Variants in MRTFA observed in about 807,000 individuals in gnomAD.
MRTFA encodes myocardin related transcription factor A.
In MRTFA, 20 loss-of-function variants were observed where a neutral mutation model predicts 83.5. The ratio of observed to expected loss-of-function variants is 0.24; its 90% CI spans 0.17 to 0.35. The LOEUF is 0.35. Ranked by LOEUF, MRTFA falls within the 10% of genes least tolerant of loss-of-function variation. MRTFA has a pLI of 1.00. For synonymous variants in MRTFA, 659 were observed against 541.2 expected, an observed-to-expected ratio of 1.22 and a Z score of -3.02; for missense variants, 1,200 against 1,224.7, an observed-to-expected ratio of 0.98 and a Z score of 0.30.
At chr22:40,603,774 CTTTTT>C (rs57320222) in intron 1 of MRTFA, among the ~76,000 whole-genome samples, 21 of 142,176 alleles carry the variant, frequency 1.5e-4, no homozygotes, top group Admixed American at 1.1e-3. Context: ...TTTTTTTTTA[CTTTTT>C]TTTTTTTTAA....
At chr22:40,610,514 T>A (rs1283636399) in intron 1 of MRTFA, among the ~76,000 whole-genome samples, 1 of 152,188 alleles carries the variant, frequency 6.6e-6, no homozygotes, top group East Asian at 1.9e-4. Context: ...TGAGCTATTA[T>A]CAGACAGAAG....
rs190012818 is a variant in MRTFA, at chr22:40,566,777, G to C, written c.-21-14410C>G. On this transcript the variant is annotated intron_variant, in intron 2 of 14. Transcript: ENST00000355630. ...GAACCCGCGAGGCGGAGGTTGCAGT[G>C]AGCCGACATCACACCACTGCACCCT... 3.0e-3 allele frequency among the ~76,000 whole-genome samples: 451 copies of C among 152,314 alleles called. 4 individuals carry two copies. The highest frequency in any genetic ancestry group is 0.01 in the African/African-American group (432 of 41,590).
intron 4 of MRTFA, among the ~76,000 whole-genome samples, chr22:40,453,517 A>G (rs1461087720): frequency 6.6e-6 from 1 of 152,170 alleles, no homozygotes. Flanking sequence ...AGCAGTTGAG[A>G]GATGATCACA....
chr22:40,413,935 TGGTGAGGA>T (rs1372280761), intron 14 of MRTFA, among the ~76,000 whole-genome samples: 2 of 152,180 alleles, frequency 1.3e-5, no homozygotes, highest in Admixed American at 1.3e-4. Flanking sequence ...TAAGAAGTGC[TGGTGAGGA>T]GGTGAAGAAA....
At chr22:40,606,156 T>G (rs764484889) in intron 1 of MRTFA, among the ~76,000 whole-genome samples, 3 of 151,990 alleles carry the variant, frequency 2.0e-5, no homozygotes, top group Non-Finnish European at 2.9e-5. Context: ...TAAAGCAAAC[T>G]CATTTAATTC....
chr22:40,482,165 A>G (rs1347357696), intron 3 of MRTFA, among the ~76,000 whole-genome samples: 1 of 152,134 alleles, frequency 6.6e-6, no homozygotes, highest in Admixed American at 6.5e-5. Flanking sequence ...CTCAATGGCT[A>G]TTTGAGATAT....
chr22:40,520,412 CA>C (rs751633606), intron 3 of MRTFA, among the ~76,000 whole-genome samples: 23 of 151,578 alleles, frequency 1.5e-4, no homozygotes, highest in Non-Finnish European at 2.5e-4. Context: ...TAAGGTTCAT[CA>C]TTTTTTTTTT....
At chr22:40,614,519 G>A (rs989162462) in intron 1 of MRTFA, among the ~76,000 whole-genome samples, 15 of 151,682 alleles carry the variant, frequency 9.9e-5, no homozygotes, top group Admixed American at 5.9e-4. Context: ...ACGGAGTTTC[G>A]CTCTCGTTAC....
In MRTFA at chr22:40,497,360, A is replaced by G. The variant is rs6001940; in HGVS notation, c.242-34074T>C. Among the ~76,000 whole-genome samples the G allele has an allele frequency of 7.5e-3, 1,147 of 152,358 alleles. 25 individuals are homozygous for G. The highest frequency in any genetic ancestry group is 0.075 in the Middle Eastern group (22 of 294). On this transcript the variant is annotated intron_variant, in intron 3 of 14. Transcript: ENST00000355630. ...AACAATTACTTGAGGAATGGAGAAT[A>G]GAGAGAAAGAGAAATAGAGAAAGGT...
chr22:40,629,997 G>A (rs1357654899), intron 1 of MRTFA, among the ~76,000 whole-genome samples: 1 of 151,840 alleles, frequency 6.6e-6, no homozygotes, highest in Non-Finnish European at 1.5e-5. Flanking sequence ...GAGGGACAAG[G>A]TTAATCTGGA....
At chr22:40,604,477 G>A (rs549950490) in intron 1 of MRTFA, among the ~76,000 whole-genome samples, 12 of 151,858 alleles carry the variant, frequency 7.9e-5, no homozygotes, top group African/African-American at 1.7e-4. Flanking sequence ...GGCCAAGCGC[G>A]GTGGCTCATG....
At chr22:40,504,180 T>C (rs2147230111) in intron 3 of MRTFA, among the ~76,000 whole-genome samples, 1 of 152,274 alleles carries the variant, frequency 6.6e-6, no homozygotes, top group South Asian at 2.1e-4. Context: ...GCTTTGTGGC[T>C]GAAAAAAAAT....
At chr22:40,534,944 A>G (rs2055142187) in intron 3 of MRTFA, among the ~76,000 whole-genome samples, 1 of 152,232 alleles carries the variant, frequency 6.6e-6, no homozygotes, top group Admixed American at 6.5e-5. Context: ...GACTGAAGGC[A>G]ATATTTTGTT....
intron 2 of MRTFA, among the ~76,000 whole-genome samples, chr22:40,574,691 C>T (rs2055844111): frequency 6.6e-6 from 1 of 152,018 alleles, no homozygotes; most frequent in Non-Finnish European, 1.5e-5. Flanking sequence ...GCCTCAGCCT[C>T]CCAAAGTGCT....
chr22:40,459,830 C>CATATTTATATATATATAT, intron 4 of MRTFA, among the ~76,000 whole-genome samples: 1 of 86,952 alleles, frequency 1.2e-5, no homozygotes, highest in Non-Finnish European at 2.1e-5. Context: ...CACATATATA[C>CATATTTATATATATATAT]ATATATATAT....
chr22:40,450,411 C>G (rs2053465417), intron 4 of MRTFA, among the ~76,000 whole-genome samples: 1 of 152,002 alleles, frequency 6.6e-6, no homozygotes, highest in African/African-American at 2.4e-5. Context: ...ACTATGGATC[C>G]TGCTTTGATG....
intron 3 of MRTFA, among the ~76,000 whole-genome samples, chr22:40,472,708 C>T (rs960701285): frequency 1.3e-5 from 2 of 152,082 alleles, no homozygotes; most frequent in Non-Finnish European, 2.9e-5. Context: ...AGGATACAGA[C>T]CAGGGATATC....
At chr22:40,610,748 A>G (rs1368657953) in intron 1 of MRTFA, among the ~76,000 whole-genome samples, 1 of 152,134 alleles carries the variant, frequency 6.6e-6, no homozygotes, top group African/African-American at 2.4e-5. Flanking sequence ...AAAATATATC[A>G]ATTAGGCGCA....
At chr22:40,594,125 T>C (rs1048390201) in intron 2 of MRTFA, among the ~76,000 whole-genome samples, 4 of 152,218 alleles carry the variant, frequency 2.6e-5, no homozygotes, top group African/African-American at 9.6e-5. Context: ...ACAAAGCATG[T>C]TGTGTCAAAT....
Sources: allele counts gnomAD v4.1 joint callset (sites outside exome capture counted in the v4.1 genomes callset), GRCh38; gene constraint gnomAD v4.1.1; transcripts MANE v1.5; gene names NCBI Gene and HGNC (gene_info 2026-07-23, HGNC 2026-07-21).